Variants in THSD7B observed in about 807,000 individuals in gnomAD.
THSD7B encodes the protein thrombospondin type-1 domain-containing protein 7B.
A neutral mutation model predicts 213.6 loss-of-function variants in THSD7B; 138 were observed. The ratio of observed to expected loss-of-function variants is 0.65; its 90% CI spans 0.56 to 0.74. The LOEUF is 0.74. Among genes scored for constraint, THSD7B ranks in the 30% least tolerant of loss-of-function variants. The pLI, the probability that THSD7B is intolerant of heterozygous loss-of-function variation, is 0.00. For missense variants in THSD7B, 1,931 were observed against 1,991.5 expected (o/e 0.97, Z 0.58); for synonymous variants, 742 against 687.0 (o/e 1.08, Z -1.25).
At chr2:137,379,528 G>A (rs953002550) in intron 12 of THSD7B, among the ~76,000 whole-genome samples, 1 of 152,228 alleles carries the variant, frequency 6.6e-6, no homozygotes, top group African/African-American at 2.4e-5. Flanking sequence ...ACTGAGTGCA[G>A]CACAGGGAGA....
chr2:137,225,506 A>G (rs1038348725), intron 7 of THSD7B, among the ~76,000 whole-genome samples: 1 of 152,220 alleles, frequency 6.6e-6, no homozygotes, highest in African/African-American at 2.4e-5. Context: ...AGCTTATTAC[A>G]TATTGCAGAT....
intron 15 of THSD7B, among the ~76,000 whole-genome samples, chr2:137,550,962 C>A (rs1237649155): frequency 6.6e-6 from 1 of 151,628 alleles, no homozygotes; most frequent in Non-Finnish European, 1.5e-5. Context: ...TATAACAAAC[C>A]TTCACATGTA....
intron 3 of THSD7B, among the ~76,000 whole-genome samples, chr2:137,072,372 G>A (rs991311679): frequency 8.6e-5 from 13 of 151,820 alleles, no homozygotes; most frequent in African/African-American, 3.2e-4. Context: ...TGAAGCAGTT[G>A]TGAATGGGAG....
At chr2:137,654,079 C>A (rs926527544) in intron 21 of THSD7B, among the ~76,000 whole-genome samples, 1 of 151,900 alleles carries the variant, frequency 6.6e-6, no homozygotes, top group Non-Finnish European at 1.5e-5. Context: ...TTTAGTAATT[C>A]TTCGTAATTT....
At chr2:136,942,372 T>C (rs13393047) in intron 2 of THSD7B, among the ~76,000 whole-genome samples, 11,260 of 152,192 alleles carry the variant, frequency 0.074, 672 homozygotes, top group African/African-American at 0.16. Context: ...AGTTTTTTTT[T>C]CCAATTCTGT....
At chr2:137,572,776 A>G (rs945059771) in intron 17 of THSD7B, among the ~76,000 whole-genome samples, 3 of 152,182 alleles carry the variant, frequency 2.0e-5, no homozygotes, top group African/African-American at 4.8e-5. Context: ...GGCCTTTATC[A>G]CAGTTACATG....
chr2:137,659,896 T>C (rs1683311211), intron 25 of THSD7B, 150 bp downstream of exon 25: 10 of 629,176 alleles, frequency 1.6e-5, no homozygotes, highest in Non-Finnish European at 2.6e-5. Context: ...ATCCCAGTTA[T>C]AAAGAATTTC....
At chr2:137,331,481 A>G (rs968695981) in intron 12 of THSD7B, among the ~76,000 whole-genome samples, 7 of 152,178 alleles carry the variant, frequency 4.6e-5, no homozygotes, top group African/African-American at 1.7e-4. Flanking sequence ...TGATTGGTGT[A>G]TTTACAATCC....
chr2:137,607,752 C>T (rs1413838146), intron 17 of THSD7B, among the ~76,000 whole-genome samples: 1 of 152,094 alleles, frequency 6.6e-6, no homozygotes, highest in East Asian at 1.9e-4. Flanking sequence ...CAGGTGACAG[C>T]CTCGATTTCT....
At chr2:137,521,329 A>G (rs1447805978) in intron 15 of THSD7B, among the ~76,000 whole-genome samples, 3 of 152,024 alleles carry the variant, frequency 2.0e-5, no homozygotes, top group Admixed American at 6.6e-5. Context: ...TGTAGTGGGG[A>G]GGGGGGGCTG....
chr2:137,101,355 T>C (rs1688146254), intron 4 of THSD7B, among the ~76,000 whole-genome samples: 1 of 152,226 alleles, frequency 6.6e-6, no homozygotes, highest in Admixed American at 6.5e-5. Flanking sequence ...ATTGATTTTC[T>C]ATCACAGCAC....
chr2:136,772,463 C>T (rs1460926301), intron 1 of THSD7B, among the ~76,000 whole-genome samples: 1 of 152,132 alleles, frequency 6.6e-6, no homozygotes, highest in Non-Finnish European at 1.5e-5. Context: ...GTGTTGGCTT[C>T]CTGAGGAACC....
chr2:137,128,426 G>T (rs1338591919), intron 5 of THSD7B, among the ~76,000 whole-genome samples: 1 of 152,090 alleles, frequency 6.6e-6, no homozygotes, highest in East Asian at 1.9e-4. Context: ...AATCACTCAT[G>T]GTACTTAATA....
intron 15 of THSD7B, among the ~76,000 whole-genome samples, chr2:137,472,761 G>C (rs1250833498): frequency 1.3e-5 from 2 of 152,190 alleles, no homozygotes; most frequent in Non-Finnish European, 2.9e-5. Flanking sequence ...GCTAGTTGCA[G>C]TGTGGAATCT....
In THSD7B at chr2:137,276,004, T is replaced by G; in HGVS notation, c.2478T>G (p.Cys826Trp). Reference protein sequence around the residue: ...WQGITGSSEACGKGLQTRAVS... With the variant: ...WQGITGSSEAWGKGLQTRAVS... ...GAATAACGGGCAGCAGTGAAGCCTG[T>G]GGAAAGGGGTTACAAACAAGAGGTA... The change falls in exon 12 of 28, where the codon TGT becomes TGG. Residue 826 changes from cysteine to tryptophan, a missense_variant. Physicochemically the swap from Cys to Trp is radical, Grantham distance 215. Coordinates refer to ENST00000409968, the MANE Select transcript of THSD7B (RefSeq NM_001316349.2). The G allele has an allele frequency of 6.2e-7, 1 of 1,611,782 alleles. No homozygotes were observed. Among genetic ancestry groups the G allele is most frequent in the Non-Finnish European group, 8.5e-7 (1 of 1,178,734 alleles).
At chr2:137,322,770 G>C (rs1869327) in intron 12 of THSD7B, among the ~76,000 whole-genome samples, 150,628 of 152,328 alleles carry the variant, frequency 0.99, 74,500 homozygotes, top group East Asian at 1. Context: ...AATATGTGCC[G>C]TAGAATACTC....
intron 2 of THSD7B, among the ~76,000 whole-genome samples, chr2:136,915,392 T>C (rs1370703812): frequency 1.3e-5 from 2 of 152,210 alleles, no homozygotes; most frequent in Non-Finnish European, 2.9e-5. Flanking sequence ...ATGTTTTTCC[T>C]GTGATAGTGG....
chr2:136,906,641 C>T (rs986288676), intron 2 of THSD7B: 2 of 152,032 alleles, frequency 1.3e-5, no homozygotes, highest in African/African-American at 2.4e-5. Flanking sequence ...GTAACTTTTC[C>T]AGAATCCTTC....
chr2:137,509,154 G>A (rs1172195890), intron 15 of THSD7B, among the ~76,000 whole-genome samples: 1 of 152,166 alleles, frequency 6.6e-6, no homozygotes, highest in Non-Finnish European at 1.5e-5. Flanking sequence ...TAAAGAGACA[G>A]GAGTCCACCA....
Sources: allele counts gnomAD v4.1 joint callset (sites outside exome capture counted in the v4.1 genomes callset), GRCh38; gene constraint gnomAD v4.1.1; transcripts MANE v1.5; gene names NCBI Gene and HGNC (gene_info 2026-07-23, HGNC 2026-07-21).